Variants in PURG observed in about 807,000 individuals in gnomAD.
The protein encoded by PURG is purine-rich element-binding protein gamma.
Under a neutral mutation model 24.3 loss-of-function variants are expected in PURG, and 3 were observed. The ratio of observed to expected loss-of-function variants is 0.12; its 90% confidence interval spans 0.06 to 0.32. PURG has a LOEUF of 0.32. PURG is among the 10% of genes least tolerant of loss of function. The pLI, the probability that PURG is intolerant of heterozygous loss-of-function variation, is 1.00. For synonymous variants in PURG, 180 were observed against 173.1 expected (o/e 1.04, Z -0.31); for missense variants, 371 against 439.1 (o/e 0.84, Z 1.39).
rs2129835248 is a variant in PURG at position 31,024,472 on chromosome 8, C to T, written c.864+7447G>A. Among the ~76,000 whole-genome samples the T allele has an allele frequency of 1.3e-5, 2 of 152,248 alleles. 1 individual carries two copies. The highest frequency in any genetic ancestry group is 4.1e-4 in the South Asian group (2 of 4,830). The stretch of plus-strand genomic sequence containing the variant: ...GCAGAATTACGTCTTATTATTCTTT[C>T]TCAAATGCTCTTTTAAAGGTTAAAC... On this transcript the variant is annotated intron_variant, in intron 1 of 1. Transcript: ENST00000339382.
chr8:30,997,004 A>G (rs188129510), intron 1 of PURG, among the ~76,000 whole-genome samples: 1 of 151,966 alleles, frequency 6.6e-6, no homozygotes, highest in Admixed American at 6.6e-5. Context: ...AGACACATGA[A>G]TCAATCATGT....
chr8:31,025,247 T>G (rs1187853650), intron 1 of PURG, among the ~76,000 whole-genome samples: 4 of 152,020 alleles, frequency 2.6e-5, no homozygotes, highest in Non-Finnish European at 4.4e-5. Flanking sequence ...GGGAAATTAT[T>G]AATATGCTTT....
intron 1 of PURG, among the ~76,000 whole-genome samples, chr8:31,004,672 C>CA (rs895553434): frequency 7.9e-4 from 118 of 148,682 alleles, no homozygotes; most frequent in Middle Eastern, 3.4e-3. Flanking sequence ...GACTCTGTCT[C>CA]AAAAAAAAAC....
chr8:31,033,064 CG>C lies in PURG; in HGVS notation c.-7+13del. ...CGCTCCGCGGCCCCAGGTCTCCAGC[CG>C]GCGGGCACTCACATCATCTCTGCCA... On this transcript the variant is annotated intron_variant, in intron 1 of 1. Coordinates refer to ENST00000523392, the MANE Select transcript of PURG (RefSeq NM_001323311.2). 1 of 205,166 alleles carries C rather than the reference CG, an allele frequency of 4.9e-6. No individual in the cohort carries two copies. The highest frequency in any genetic ancestry group is 9.7e-6 in the Non-Finnish European group (1 of 103,502). The allele number at this position is 205,166 out of a possible 1,614,324, so 12.7% of individuals were successfully genotyped here.
Position 31,032,911 on chromosome 8 carries a change from C to G in PURG, c.-6-123G>C, listed in dbSNP as rs1411808131. ...ACCCCCACGCCGGGCCCGGCTCCCC[C>G]GGCGCCGCAGCGCGGGGCTCCAGCC... On this transcript the variant is annotated intron_variant, in intron 1 of 1. Coordinates refer to ENST00000523392, the MANE Select transcript of PURG (RefSeq NM_001323311.2). This position sits in a 1 kb window ranked among gnomAD's most constrained non-coding sequence, Gnocchi z 5.9. 2 of 692,600 alleles carry G rather than the reference C, an allele frequency of 2.9e-6. No individual in the cohort carries two copies. Among genetic ancestry groups the G allele is most frequent in the Admixed American group, 5.0e-5 (1 of 20,128 alleles). 42.9% of individuals were successfully genotyped at this position (692,600 alleles called of 1,614,324 possible).
chr8:31,010,750 A>G (rs891554122), intron 1 of PURG, among the ~76,000 whole-genome samples: 2 of 152,184 alleles, frequency 1.3e-5, no homozygotes, highest in African/African-American at 4.8e-5. Flanking sequence ...ATATTGAACT[A>G]ATCTAAATCA....
chr8:31,002,047 T>G (rs1273415277), intron 1 of PURG, among the ~76,000 whole-genome samples: 1 of 152,202 alleles, frequency 6.6e-6, no homozygotes, highest in African/African-American at 2.4e-5. Flanking sequence ...AATTCAGGCA[T>G]AATGAATCAA....
At chr8:31,028,806 C>T (rs1163345018), downstream of PURG, among the ~76,000 whole-genome samples, 1 of 151,868 alleles carries the variant, frequency 6.6e-6, no homozygotes, top group Non-Finnish European at 1.5e-5. Flanking sequence ...ATACTATTAG[C>T]TTATATTACT....
chr8:31,019,894 G>A (rs1381462342), intron 1 of PURG, among the ~76,000 whole-genome samples: 4 of 151,846 alleles, frequency 2.6e-5, no homozygotes, highest in African/African-American at 9.7e-5. Context: ...CTGTAGGCTG[G>A]GGGTGGTGGC....
chr8:31,001,871 G>A (rs1027210381), intron 1 of PURG, among the ~76,000 whole-genome samples: 2 of 152,128 alleles, frequency 1.3e-5, no homozygotes, highest in Non-Finnish European at 2.9e-5. Flanking sequence ...TATTACTCAC[G>A]CCTGAATCGC....
chr8:31,015,647 G>A (rs778431339), intron 1 of PURG, among the ~76,000 whole-genome samples: 18 of 152,164 alleles, frequency 1.2e-4, no homozygotes, highest in Admixed American at 2.0e-4. Flanking sequence ...GAGTTTAGGA[G>A]GCGGGTGAGA....
At chr8:31,022,415 CA>C (rs1360907346) in intron 1 of PURG, among the ~76,000 whole-genome samples, 2 of 152,320 alleles carry the variant, frequency 1.3e-5, no homozygotes, top group African/African-American at 4.8e-5. Context: ...CCTAAACTGT[CA>C]TATAGAAATC....
chr8:31,014,228 A>G (rs1489019984), intron 1 of PURG, among the ~76,000 whole-genome samples: 1 of 152,252 alleles, frequency 6.6e-6, no homozygotes, highest in Non-Finnish European at 1.5e-5. Flanking sequence ...CTTAGTTATC[A>G]TTATCCAAGA....
chr8:31,005,649 A>G (rs1810629604), intron 1 of PURG, among the ~76,000 whole-genome samples: 1 of 152,148 alleles, frequency 6.6e-6, no homozygotes, highest in Non-Finnish European at 1.5e-5. Context: ...ATCTGACTGA[A>G]TGACATGCTA....
intron 1 of PURG, among the ~76,000 whole-genome samples, chr8:31,024,022 T>C (rs1811047789): frequency 6.6e-6 from 1 of 152,150 alleles, no homozygotes; most frequent in African/African-American, 2.4e-5. Flanking sequence ...ATATTTGATA[T>C]AATAAGGAGA....
intron 1 of PURG, among the ~76,000 whole-genome samples, chr8:31,013,233 CAT>C (rs1338357335): frequency 6.6e-6 from 1 of 152,156 alleles, no homozygotes; most frequent in East Asian, 1.9e-4. Context: ...AACCAAATCA[CAT>C]AGTTACCTAG....
chr8:31,010,463 C>T (rs1034219673), intron 1 of PURG, among the ~76,000 whole-genome samples: 4 of 152,170 alleles, frequency 2.6e-5, no homozygotes, highest in African/African-American at 9.7e-5. Context: ...TTACTGAGTG[C>T]AGAATTGAGC....
At chr8:31,001,847 C>A (rs974793848) in intron 1 of PURG, among the ~76,000 whole-genome samples, 4 of 152,226 alleles carry the variant, frequency 2.6e-5, no homozygotes, top group African/African-American at 9.6e-5. Flanking sequence ...TAGTATTACT[C>A]TTGAATAGGG....
chr8:31,016,374 T>C (rs879827084), intron 1 of PURG, among the ~76,000 whole-genome samples: 3 of 151,414 alleles, frequency 2.0e-5, no homozygotes, highest in African/African-American at 4.9e-5. Context: ...AGTGAGACTC[T>C]GTCTCAAAAA....
Sources: allele counts gnomAD v4.1 joint callset (sites outside exome capture counted in the v4.1 genomes callset), GRCh38; gene constraint gnomAD v4.1.1; non-coding constraint Gnocchi (gnomAD v3.1); transcripts MANE v1.5; gene names NCBI Gene and HGNC (gene_info 2026-07-23, HGNC 2026-07-21).